Variants in CKAP5 observed in about 807,000 individuals in gnomAD.
CKAP5 encodes the protein cytoskeleton associated protein 5.
CKAP5 carries 27 observed loss-of-function variants against 232.8 expected under a neutral mutation model. The observed-to-expected ratio is 0.12, with a 90% CI of 0.09 to 0.16. The LOEUF (loss-of-function observed/expected upper bound fraction) is 0.16, where lower values mean the gene tolerates loss of function less well. Ranked by LOEUF, CKAP5 falls within the 10% of genes least tolerant of loss-of-function variation. The pLI is 1.00. For missense variants in CKAP5, 1,838 were observed against 2,424.7 expected (o/e 0.76, Z 5.08); for synonymous variants, 785 against 841.1 (o/e 0.93, Z 1.16).
intron 37 of CKAP5, 153 bp downstream of exon 37, chr11:46,753,151 ATATAGT>A: frequency 5.5e-6 from 3 of 542,054 alleles, no homozygotes; most frequent in Non-Finnish European, 9.6e-6. Flanking sequence ...GTTTTAACTG[ATATAGT>A]TATAACTGAT....
chr11:46,759,468 G>C, intron 33 of CKAP5, 26 bp from the exon 34 acceptor site: 1 of 1,597,838 alleles, frequency 6.3e-7, no homozygotes, highest in Non-Finnish European at 8.5e-7. Context: ...GGAGGCTCCT[G>C]AACTAAAAGA....
Position 46,784,667 on chromosome 11 carries a change from G to C in CKAP5, c.1975C>G (p.Gln659Glu). The change falls in exon 17 of 44, where the codon CAA (glutamine) becomes GAA (glutamate). Residue 659 changes from glutamine (Q) to glutamate (E), a missense_variant. Gln to Glu is a conservative substitution (Grantham distance 29). This residue lies in a region of CKAP5 where 767 missense variants were observed against 954.6 expected (regional missense o/e 0.80). Coordinates refer to ENST00000529230, the MANE Select transcript of CKAP5 (RefSeq NM_001008938.4). ...GWKETNFQVM[Q>E]MKLHIVALIA... is the part of the protein sequence containing the mutation. ...AAAGCAACTATATGAAGCTTCATTT[G>C]CATCACCTGAACAAGGATCAGTATC... The C allele has an allele frequency of 6.2e-7, 1 of 1,612,994 alleles. No individual in the cohort carries two copies. Among genetic ancestry groups the C allele is most frequent in the Non-Finnish European group, 8.5e-7 (1 of 1,179,188 alleles).
At chr11:46,760,533 T>C in intron 33 of CKAP5, 79 bp downstream of exon 33, 1 of 1,389,854 alleles carries the variant, frequency 7.2e-7, no homozygotes, top group East Asian at 2.3e-5. Flanking sequence ...GAACTCAAGA[T>C]TATGTTACAG....
intron 8 of CKAP5, among the ~76,000 whole-genome samples, chr11:46,807,023 C>T (rs1020913364): frequency 1.2e-4 from 19 of 152,108 alleles, no homozygotes; most frequent in African/African-American, 4.3e-4. Flanking sequence ...GTCTAGTATT[C>T]CTAAGTGCAA....
intron 30 of CKAP5, 62 bp downstream of exon 30, chr11:46,762,914 G>A (rs748531606): frequency 2.9e-4 from 433 of 1,501,548 alleles, no homozygotes; most frequent in Non-Finnish European, 3.6e-4. Context: ...GGAAATAAAA[G>A]TACAGAAACT....
chr11:46,802,968 C>T (rs1428544761), intron 8 of CKAP5, among the ~76,000 whole-genome samples: 3 of 152,080 alleles, frequency 2.0e-5, no homozygotes, highest in Non-Finnish European at 4.4e-5. Flanking sequence ...ATTATTTCAA[C>T]TTTGCAGATT....
chr11:46,749,001 T>A (rs970778816), intron 42 of CKAP5, among the ~76,000 whole-genome samples: 4 of 151,288 alleles, frequency 2.6e-5, no homozygotes, highest in African/African-American at 9.7e-5. Flanking sequence ...CCAACTAATT[T>A]TTGTATTTTT....
chr11:46,826,984 C>A, intron 1 of CKAP5: 1 of 152,858 alleles, frequency 6.5e-6, no homozygotes. Context: ...AGTGTATCTT[C>A]GCCCAGAGGT....
chr11:46,838,793 CAAAAAAAA>C (rs71042626), intron 1 of CKAP5, among the ~76,000 whole-genome samples: 6 of 45,928 alleles, frequency 1.3e-4, no homozygotes, highest in South Asian at 3.3e-3. Flanking sequence ...GACCCCATCT[CAAAAAAAA>C]AAAAAAAAAA....
In CKAP5 at chr11:46,780,492, G is replaced by A; in HGVS notation, c.2250-7C>T. ...GAAAGCTTTGACATTCAACCTAGAA[G>A]AAACATTTAGAATTAAAAGCAAACA... is the stretch of plus-strand genomic sequence containing the variant. On this transcript the variant is annotated splice_polypyrimidine_tract_variant and splice_region_variant and intron_variant, in intron 18 of 43. Transcript: ENST00000529230. 1 of 1,610,274 alleles carries A rather than the reference G, an allele frequency of 6.2e-7. No homozygotes were observed. Among genetic ancestry groups the A allele is most frequent in the Non-Finnish European group, 8.5e-7 (1 of 1,177,274 alleles).
intron 18 of CKAP5, among the ~76,000 whole-genome samples, chr11:46,781,530 C>T (rs2065341946): frequency 6.6e-6 from 1 of 152,186 alleles, no homozygotes; most frequent in African/African-American, 2.4e-5. Flanking sequence ...CCACTTCCTA[C>T]CCACTCACTC....
At position 46,811,118 on chromosome 11, in the gene CKAP5, A is replaced by T; in HGVS notation, c.519T>A (p.Phe173Leu). The change falls in exon 5 of 44, where the codon TTT becomes TTA. Residue 173 changes from phenylalanine (F) to leucine (L), a missense_variant. Physicochemically the swap from Phe to Leu is conservative, Grantham distance 22 (BLOSUM62 0). Coordinates refer to ENST00000529230, the MANE Select transcript of CKAP5 (RefSeq NM_001008938.4). ...CTCGAACAGCCTTCTCTCGAGACTC[A>T]AAGAGTTTTGGCAACACTTTGATAA... ...KPIIKVLPKL[F>L]ESREKAVRDE... The T allele has an allele frequency of 6.2e-7, 1 of 1,614,114 alleles. No individual in the cohort carries two copies. The highest frequency in any genetic ancestry group is 2.2e-5 in the East Asian group (1 of 44,866).
In CKAP5 at chr11:46,845,599, T is replaced by C. The variant is rs561860357; in HGVS notation, c.-38+621A>G. On this transcript the variant is annotated intron_variant, in intron 1 of 43. Coordinates refer to ENST00000529230, the MANE Select transcript of CKAP5 (RefSeq NM_001008938.4). ...AAGGCCCAACCCACACTGCTGGCTATTGTATTGGTTCCCCAACACCTCCAG... is the reference window on the plus strand; with the variant it reads ...AAGGCCCAACCCACACTGCTGGCTACTGTATTGGTTCCCCAACACCTCCAG... 9.2e-5 allele frequency among the ~76,000 whole-genome samples: 14 copies of C among 152,276 alleles called. No individual in the cohort carries two copies. In the East Asian group the frequency reaches 2.7e-3, roughly 29 times the overall value.
chr11:46,826,851 A>T (rs1392756629), intron 1 of CKAP5: 1 of 155,624 alleles, frequency 6.4e-6, no homozygotes, highest in Non-Finnish European at 1.4e-5. Flanking sequence ...CGGCAGCAGC[A>T]TTGGTGCTGC....
In CKAP5 at chr11:46,769,975, G is replaced by C; in HGVS notation, c.3310C>G (p.Gln1104Glu). The C allele has an allele frequency of 6.2e-7, 1 of 1,614,144 alleles. No homozygotes were observed. The highest frequency in any genetic ancestry group is 2.2e-5 in the East Asian group (1 of 44,880). Reference protein sequence around the residue: ...PMGGSAPAKFQPASAPAEDCI... With the variant: ...PMGGSAPAKFEPASAPAEDCI... ...AAGATAGAGTTACCTGATGCAGGCT[G>C]GAATTTGGCTGGAGCGGACCCTCCC... Residue 1104 changes from glutamine to glutamate, a missense_variant, in exon 26 of 44, where the codon CAG becomes GAG. By Grantham distance (29) the Gln-to-Glu change is conservative. Coordinates refer to ENST00000529230, the MANE Select transcript of CKAP5 (RefSeq NM_001008938.4).
At chr11:46,774,273 T>C (rs1252670845) in intron 24 of CKAP5, among the ~76,000 whole-genome samples, 1 of 152,076 alleles carries the variant, frequency 6.6e-6, no homozygotes, top group Non-Finnish European at 1.5e-5. Flanking sequence ...CCATTCACAA[T>C]TGCTACAAAG....
chr11:46,823,682 G>A (rs188105981), intron 1 of CKAP5, among the ~76,000 whole-genome samples: 1 of 152,172 alleles, frequency 6.6e-6, no homozygotes, highest in African/African-American at 2.4e-5. Context: ...TGATGTCCTG[G>A]GCTCAAGTGA....
Position 46,769,959 on chromosome 11 carries a change from T to C in CKAP5, c.3322+4A>G, listed in dbSNP as rs1173910313. ...CCCCTTTAACCTTCTTAAGATAGAGTTACCTGATGCAGGCTGGAATTTGGC... is the reference window on the plus strand; with the variant it reads ...CCCCTTTAACCTTCTTAAGATAGAGCTACCTGATGCAGGCTGGAATTTGGC... On this transcript the variant is annotated splice_donor_region_variant and intron_variant, in intron 26 of 43. Coordinates refer to ENST00000529230, the MANE Select transcript of CKAP5 (RefSeq NM_001008938.4). The C allele has an allele frequency of 6.2e-7, 1 of 1,614,028 alleles. No individual in the cohort carries two copies. Among genetic ancestry groups the C allele is most frequent in the Non-Finnish European group, 8.5e-7 (1 of 1,179,980 alleles).
chr11:46,810,718 C>A (rs927972350), intron 5 of CKAP5, among the ~76,000 whole-genome samples: 7 of 152,032 alleles, frequency 4.6e-5, no homozygotes, highest in African/African-American at 7.3e-5. Flanking sequence ...ACAGTAAGTC[C>A]CACTTTTTAA....
Sources: gnomAD v4.1 joint callset for allele counts (sites outside exome capture counted in the v4.1 genomes callset) on GRCh38, gnomAD v4.1.1 for gene constraint, gnomAD v4.1.1 regional missense constraint, MANE v1.5 for transcripts, NCBI Gene and HGNC (gene_info 2026-07-23, HGNC 2026-07-21) for gene names.